Variants in ZNF16 observed in about 807,000 individuals in gnomAD.
ZNF16 encodes zinc finger protein 16.
In ZNF16, 7 loss-of-function variants were observed where a neutral mutation model predicts 9.0. The observed-to-expected ratio is 0.78, with a 90% CI of 0.44 to 1.47. ZNF16 has a LOEUF of 1.47. Ranked by LOEUF, ZNF16 falls within the 40% of genes most tolerant of loss-of-function variation. ZNF16 has a pLI of 0.01. For synonymous variants in ZNF16, 312 were observed against 301.5 expected, an observed-to-expected ratio of 1.03 and a Z score of -0.36; for missense variants, 830 against 854.2, an observed-to-expected ratio of 0.97 and a Z score of 0.35.
intron 2 of ZNF16, among the ~76,000 whole-genome samples, chr8:144,937,193 C>T (rs1833707072): frequency 7.6e-6 from 1 of 132,182 alleles, no homozygotes; most frequent in Non-Finnish European, 1.5e-5. Context: ...GTCATCCAGG[C>T]TGGAGTACAC....
At chr8:144,942,441 C>T (rs1316021700) in intron 2 of ZNF16, among the ~76,000 whole-genome samples, 1 of 152,008 alleles carries the variant, frequency 6.6e-6, no homozygotes, top group East Asian at 1.9e-4. Context: ...GTGCCCACCA[C>T]CATGCCCAGC....
chr8:144,950,395 G>C (rs922656093), intron 1 of ZNF16: 2 of 152,116 alleles, frequency 1.3e-5, no homozygotes, highest in Non-Finnish European at 1.5e-5. Flanking sequence ...TCAGTCTCTC[G>C]TCCCACCTGA....
chr8:144,946,122 C>A lies in ZNF16; in HGVS notation c.85G>T (p.Ala29Ser). Reference sequence around the variant, plus strand: ...ACAGCAGGAGCATCTCTCACACGGGCCTGGGCTGCAGGGGTCCAGGGGGAT... The same window carrying A: ...ACAGCAGGAGCATCTCTCACACGGGACTGGGCTGCAGGGGTCCAGGGGGAT... ...GPSPWTPAAQ[A>S]RVRDAPAVTH... The change falls in exon 2 of 3, where the codon GCC becomes TCC. Residue 29 changes from alanine (A) to serine (S), a missense_variant. Physicochemically the swap from Ala to Ser is moderately conservative, Grantham distance 99. Transcript: ENST00000394909. 14 of 1,608,012 alleles carry A rather than the reference C, an allele frequency of 8.7e-6. No individual in the cohort carries two copies. The highest frequency in any genetic ancestry group is 1.2e-5 in the Non-Finnish European group (14 of 1,175,618).
chr8:144,933,483 T>C lies in ZNF16; in HGVS notation c.197-893A>G, dbSNP rs1833606115. ...CATCTCCCTCTCCCCTTTTCACACC[T>C]GCAGAACAAAGAAACCCTCATGTCC... is the stretch of plus-strand genomic sequence containing the variant. On this transcript the variant is annotated intron_variant, in intron 2 of 2. Coordinates refer to ENST00000394909, the MANE Select transcript of ZNF16 (RefSeq NM_006958.3). The surrounding 1 kb of genome is among the most constrained non-coding windows in gnomAD (Gnocchi z 5.6). 6.6e-6 allele frequency among the ~76,000 whole-genome samples: 1 copy of C among 152,120 alleles called. No homozygotes were observed. The highest frequency in any genetic ancestry group is 6.5e-5 in the Admixed American group (1 of 15,270).
chr8:144,947,537 C>T (rs1833994237), intron 1 of ZNF16, among the ~76,000 whole-genome samples: 1 of 152,148 alleles, frequency 6.6e-6, no homozygotes, highest in South Asian at 2.1e-4. Context: ...GTGCTGCAGC[C>T]CCACATGTCA....
intron 1 of ZNF16, among the ~76,000 whole-genome samples, chr8:144,949,802 G>C (rs183158769): frequency 3.5e-4 from 53 of 152,254 alleles, no homozygotes; most frequent in East Asian, 2.3e-3. Flanking sequence ...TCCAAGATTT[G>C]TCCCCATGTG....
At chr8:144,945,940 G>T in intron 2 of ZNF16, 71 bp downstream of exon 2, 2 of 1,581,334 alleles carry the variant, frequency 1.3e-6, no homozygotes, top group South Asian at 1.1e-5. Context: ...CCTCCTAGGG[G>T]TAAGCACAGG....
intron 1 of ZNF16, among the ~76,000 whole-genome samples, chr8:144,948,794 C>A (rs747424562): frequency 2.6e-5 from 4 of 152,174 alleles, no homozygotes; most frequent in Non-Finnish European, 5.9e-5. Context: ...ATCTTGCTTA[C>A]CAGGACACAG....
intron 2 of ZNF16, 196 bp downstream of exon 2, chr8:144,945,815 C>T (rs1833910843): frequency 1.8e-6 from 2 of 1,105,002 alleles, no homozygotes; most frequent in Admixed American, 3.0e-5. Flanking sequence ...GGGGAAATCA[C>T]AGTTCTGCTC....
intron 2 of ZNF16, among the ~76,000 whole-genome samples, chr8:144,941,482 T>C (rs1833795495): frequency 6.6e-6 from 1 of 152,220 alleles, no homozygotes; most frequent in African/African-American, 2.4e-5. Context: ...TTACACATTC[T>C]GTCAATATTT....
chr8:144,942,733 C>T (rs1833835537), intron 2 of ZNF16, among the ~76,000 whole-genome samples: 1 of 152,202 alleles, frequency 6.6e-6, no homozygotes, highest in South Asian at 2.1e-4. Context: ...GTTGTCATCA[C>T]AGATTACACC....
intron 2 of ZNF16, chr8:144,945,043 T>G (rs1319048314): frequency 6.6e-6 from 1 of 152,158 alleles, no homozygotes; most frequent in East Asian, 1.9e-4. Context: ...AAGCTTATGG[T>G]CTTAACAGGT....
rs1302573210 is a variant in ZNF16 at position 144,931,426 on chromosome 8, A to C, written c.1361T>G (p.Ile454Ser). 1 of 1,614,128 alleles carries C rather than the reference A, an allele frequency of 6.2e-7. No individual in the cohort carries two copies. Among genetic ancestry groups the C allele is most frequent in the Non-Finnish European group, 8.5e-7 (1 of 1,180,010 alleles). Residue 454 changes from isoleucine (I) to serine (S), a missense_variant, in exon 3 of 3, where the codon ATT (isoleucine) becomes AGT (serine). By Grantham distance (142) the Ile-to-Ser change is moderately radical (BLOSUM62 -2). Coordinates refer to ENST00000394909, the MANE Select transcript of ZNF16 (RefSeq NM_006958.3). ...CACGTGAGGCTTTTCTCCAGTGTGA[A>C]TTCTCCGATGCTGAATAAGGCTGGA... is the stretch of plus-strand genomic sequence containing the variant. ...QSSSLIQHRR[I>S]HTGEKPHVCN...
At chr8:144,949,475 G>GAC (rs1384664758) in intron 1 of ZNF16, among the ~76,000 whole-genome samples, 12 of 152,220 alleles carry the variant, frequency 7.9e-5, no homozygotes, top group Non-Finnish European at 1.6e-4. Flanking sequence ...AGATCAGACT[G>GAC]TTACTGTGTC....
At chr8:144,937,129 C>T (rs1018487012) in intron 2 of ZNF16, among the ~76,000 whole-genome samples, 2 of 133,938 alleles carry the variant, frequency 1.5e-5, no homozygotes, top group African/African-American at 2.7e-5. Context: ...GCTTTTTTCA[C>T]TTTCTTTCTC....
Position 144,930,852 on chromosome 8 carries a change from G to A in ZNF16, c.1935C>T (p.Ile645=), listed in dbSNP as rs1443802741. The change falls in exon 3 of 3, where the codon ATC becomes ATT. Residue 645 remains isoleucine, a synonymous_variant. Coordinates refer to ENST00000394909, the MANE Select transcript of ZNF16 (RefSeq NM_006958.3). ...GKAFSQRSVL[I]QHQRIHTGVK... ...CCCCAGTGTGAATCCTCTGGTGCTG[G>A]ATGAGGACCGAACGCTGACTGAAGG... 3 of 1,601,860 alleles carry A rather than the reference G, an allele frequency of 1.9e-6. No homozygotes were observed. In the African/African-American group the frequency reaches 4.0e-5, roughly 21 times the overall value.
intron 1 of ZNF16, 52 bp from the exon 2 acceptor site, chr8:144,946,267 ATTCATCCTCCCATCAGGCCGGGGT>A: frequency 7.1e-7 from 1 of 1,413,818 alleles, no homozygotes; most frequent in South Asian, 1.8e-5. Context: ...AGCTCTAGGG[ATTCATCCTCCCATCAGGCCGGGGT>A]CTCTTCCTCC....
intron 2 of ZNF16, among the ~76,000 whole-genome samples, chr8:144,942,718 ATGT>A (rs925851044): frequency 4.1e-4 from 63 of 152,300 alleles, no homozygotes; most frequent in African/African-American, 1.3e-3. Flanking sequence ...TACCCCCCTT[ATGT>A]TGTTGTCATC....
chr8:144,946,594 T>TGTGTCCTGCTGTGGGCCC, intron 1 of ZNF16, among the ~76,000 whole-genome samples: 5 of 119,450 alleles, frequency 4.2e-5, no homozygotes, highest in Non-Finnish European at 6.8e-5. Flanking sequence ...GCTGTGGGTC[T>TGTGTCCTGCTGTGGGCCC]GTATCCTGCT....
Sources: allele counts gnomAD v4.1 joint callset (sites outside exome capture counted in the v4.1 genomes callset), GRCh38; gene constraint gnomAD v4.1.1; non-coding constraint Gnocchi (gnomAD v3.1); transcripts MANE v1.5; gene names NCBI Gene and HGNC (gene_info 2026-07-23, HGNC 2026-07-21).